Variants in NRXN3 observed in about 807,000 individuals in gnomAD.
NRXN3 encodes the protein neurexin III.
Under a neutral mutation model 137.6 loss-of-function variants are expected in NRXN3, and 32 were observed. The ratio of observed to expected loss-of-function variants is 0.23; its 90% CI spans 0.18 to 0.31. The LOEUF (loss-of-function observed/expected upper bound fraction) is 0.31, where lower values mean the gene tolerates loss of function less well. NRXN3 is among the 10% of genes least tolerant of loss of function. NRXN3 has a pLI of 1.00. For synonymous variants in NRXN3, 798 were observed against 784.5 expected (o/e 1.02, Z -0.29); for missense variants, 1,574 against 2,062.5 (o/e 0.76, Z 4.59).
intron 19 of NRXN3, among the ~76,000 whole-genome samples, chr14:79,698,372 G>C (rs576953628): frequency 6.6e-6 from 1 of 152,022 alleles, no homozygotes; most frequent in African/African-American, 2.4e-5. Context: ...TCATTATTGA[G>C]GTCAATGGGT....
At chr14:79,534,570 C>T (rs1430685978) in intron 16 of NRXN3, among the ~76,000 whole-genome samples, 8 of 152,012 alleles carry the variant, frequency 5.3e-5, no homozygotes, top group Non-Finnish European at 7.4e-5. Flanking sequence ...ACAAAACTCT[C>T]CTAGGGGAAC....
intron 15 of NRXN3, among the ~76,000 whole-genome samples, chr14:79,100,799 G>A (rs146868244): frequency 1.9e-3 from 286 of 152,142 alleles, no homozygotes; most frequent in Non-Finnish European, 3.3e-3. Flanking sequence ...TGTACCTCTG[G>A]GCACAGTCAA....
At chr14:79,466,316 G>A (rs1439004816) in intron 15 of NRXN3, among the ~76,000 whole-genome samples, 4 of 152,266 alleles carry the variant, frequency 2.6e-5, no homozygotes, top group East Asian at 1.9e-4. Context: ...GGCCAGGTAC[G>A]GTGGCTCACG....
intron 2 of NRXN3, among the ~76,000 whole-genome samples, chr14:78,259,877 G>C (rs570036006): frequency 6.6e-6 from 1 of 152,264 alleles, no homozygotes; most frequent in Admixed American, 6.5e-5. Flanking sequence ...CTTATCTAGC[G>C]TAAGTCAGAA....
chr14:79,785,502 A>G (rs902840528), intron 19 of NRXN3, among the ~76,000 whole-genome samples: 5 of 152,158 alleles, frequency 3.3e-5, no homozygotes, highest in African/African-American at 9.7e-5. Flanking sequence ...ACCTTTGACT[A>G]TTAATATCCT....
At chr14:79,239,678 C>T (rs983781517) in intron 15 of NRXN3, among the ~76,000 whole-genome samples, 3 of 152,116 alleles carry the variant, frequency 2.0e-5, no homozygotes, top group Non-Finnish European at 2.9e-5. Context: ...TTGAAATCAG[C>T]GTGTCTAAAT....
At chr14:78,532,992 T>A (rs2096488998) in intron 4 of NRXN3, among the ~76,000 whole-genome samples, 1 of 152,044 alleles carries the variant, frequency 6.6e-6, no homozygotes, top group Non-Finnish European at 1.5e-5. Context: ...CTCAATTTCC[T>A]GTCCTCTCTA....
intron 15 of NRXN3, among the ~76,000 whole-genome samples, chr14:79,284,774 C>T (rs1473753077): frequency 6.6e-6 from 1 of 152,030 alleles, no homozygotes; most frequent in Admixed American, 6.5e-5. Flanking sequence ...TTTTTTCAGC[C>T]TTGGGGGCTT....
At chr14:79,327,648 T>C (rs2153298921) in intron 15 of NRXN3, among the ~76,000 whole-genome samples, 1 of 152,298 alleles carries the variant, frequency 6.6e-6, no homozygotes, top group Middle Eastern at 3.4e-3. Flanking sequence ...AAGTCTACTC[T>C]CTCCCAGGGG....
intron 4 of NRXN3, among the ~76,000 whole-genome samples, chr14:78,545,744 C>G (rs568667218): frequency 6.6e-6 from 1 of 152,254 alleles, no homozygotes; most frequent in South Asian, 2.1e-4. Flanking sequence ...TAGGGAATTA[C>G]CAGTGCCTTA....
intron 15 of NRXN3, among the ~76,000 whole-genome samples, chr14:79,425,740 AC>A (rs2095646275): frequency 6.6e-6 from 1 of 152,128 alleles, no homozygotes; most frequent in African/African-American, 2.4e-5. Context: ...AGACCATATG[AC>A]CCAAGGTGCA....
Position 79,867,537 on chromosome 14 carries a change from AGC to A in NRXN3, c.*5574_*5575del, listed in dbSNP as rs1190532980. On this transcript the variant is annotated 3_prime_UTR_variant, in exon 21 of 21. Coordinates refer to ENST00000335750, the MANE Select transcript of NRXN3 (RefSeq NM_001330195.2). Reference sequence around the variant, plus strand: ...TAAGACCACCAGTGCTATTGGTTAAAGCCCTGCCATTATGACTTTGTTTGACC... The same window carrying A: ...TAAGACCACCAGTGCTATTGGTTAAACCTGCCATTATGACTTTGTTTGACC... 6.6e-5 allele frequency: 10 copies of A among 152,192 alleles called. No individual in the cohort carries two copies. The highest frequency in any genetic ancestry group is 2.4e-4 in the African/African-American group (10 of 41,424). 9.4% of individuals were successfully genotyped at this position (152,192 alleles called of 1,614,324 possible). A position where few individuals can be genotyped will look rare whatever the true frequency, so the allele number is the denominator to read the frequency against.
At chr14:78,172,131 T>C (rs2058783946) in intron 1 of NRXN3, among the ~76,000 whole-genome samples, 1 of 152,140 alleles carries the variant, frequency 6.6e-6, no homozygotes, top group Admixed American at 6.5e-5. Context: ...GGGGCACTCC[T>C]TGTCACACCT....
intron 20 of NRXN3, chr14:79,854,166 T>C (rs2099397592): frequency 1.0e-6 from 1 of 983,266 alleles, no homozygotes; most frequent in Non-Finnish European, 1.2e-6. Flanking sequence ...TACACAACTT[T>C]CTTTTGTAAA....
intron 15 of NRXN3, among the ~76,000 whole-genome samples, chr14:79,249,690 C>G (rs2075678837): frequency 6.6e-6 from 1 of 152,152 alleles, no homozygotes; most frequent in Non-Finnish European, 1.5e-5. Context: ...TCTTATTGAG[C>G]TCTCCACTGC....
intron 14 of NRXN3, among the ~76,000 whole-genome samples, chr14:78,974,676 G>A (rs2099457393): frequency 6.6e-6 from 1 of 152,066 alleles, no homozygotes; most frequent in Admixed American, 6.6e-5. Context: ...TTTGTGGCAG[G>A]AGCTGCTTTT....
chr14:78,520,443 T>C (rs189532202), intron 4 of NRXN3, among the ~76,000 whole-genome samples: 2 of 152,296 alleles, frequency 1.3e-5, no homozygotes, highest in African/African-American at 2.4e-5. Flanking sequence ...TACGTATTTA[T>C]TGGAATTTTC....
At chr14:79,749,000 AT>A (rs1277190119) in intron 19 of NRXN3, among the ~76,000 whole-genome samples, 1 of 151,722 alleles carries the variant, frequency 6.6e-6, no homozygotes, top group East Asian at 1.9e-4. Context: ...AGCTGATGGT[AT>A]TTTTTTTAAT....
chr14:78,506,111 AC>A (rs1358731777), intron 4 of NRXN3, among the ~76,000 whole-genome samples: 1 of 152,154 alleles, frequency 6.6e-6, no homozygotes, highest in Non-Finnish European at 1.5e-5. Context: ...TATCCATTGA[AC>A]AATTCCCCAT....
Sources: allele counts gnomAD v4.1 joint callset (sites outside exome capture counted in the v4.1 genomes callset), GRCh38; gene constraint gnomAD v4.1.1; transcripts MANE v1.5; gene names NCBI Gene and HGNC (gene_info 2026-07-23, HGNC 2026-07-21).